Variants in HMGXB4 observed in about 807,000 individuals in gnomAD.
The protein encoded by HMGXB4 is HMG domain-containing protein 4.
Under a neutral mutation model 63.9 loss-of-function variants are expected in HMGXB4, and 27 were observed. That is an observed-to-expected ratio of 0.42 (90% CI 0.31 to 0.58). The LOEUF is 0.58. Among genes scored for constraint, HMGXB4 ranks in the 20% least tolerant of loss-of-function variants. The pLI, the probability that HMGXB4 is intolerant of heterozygous loss-of-function variation, is 0.13. For synonymous variants in HMGXB4, 264 were observed against 265.3 expected (o/e 0.99, Z 0.05); for missense variants, 624 against 700.7 (o/e 0.89, Z 1.24).
Position 35,265,252 on chromosome 22 carries a change from A to T in HMGXB4, c.864A>T (p.Glu288Asp), listed in dbSNP as rs867517114. The T allele has an allele frequency of 3.1e-6, 5 of 1,614,114 alleles. No individual in the cohort carries two copies. The Middle Eastern group carries it at 4.9e-4, about 160-fold the overall frequency. ...CTAACCTTGATCTTTCAGGGCTTGA[A>T]CCTATTCTGGTAGAATCAGACTCAT... ...HSANLDLSGL[E>D]PILVESDSSS... The change falls in exon 5 of 11, where the codon GAA (glutamate) becomes GAT (aspartate). Residue 288 changes from glutamate to aspartate, a missense_variant. By Grantham distance (45) the Glu-to-Asp change is conservative. Transcript: ENST00000216106.
intron 5 of HMGXB4, among the ~76,000 whole-genome samples, chr22:35,266,467 C>T (rs1923255989): frequency 6.6e-6 from 1 of 152,170 alleles, no homozygotes; most frequent in Admixed American, 6.6e-5. Flanking sequence ...ACAAGCAGGA[C>T]ATAGTTGTTG....
intron 1 of HMGXB4, chr22:35,258,016 A>C (rs549792345): frequency 6.6e-6 from 1 of 152,272 alleles, no homozygotes; most frequent in Admixed American, 6.5e-5. Flanking sequence ...GGCCGCGGCC[A>C]CGGGAGGGCT....
At chr22:35,268,097 T>C (rs1220988525) in intron 5 of HMGXB4, among the ~76,000 whole-genome samples, 2 of 152,112 alleles carry the variant, frequency 1.3e-5, no homozygotes, top group Non-Finnish European at 1.5e-5. Flanking sequence ...ACCATAAAGA[T>C]AAAATTTACA....
At chr22:35,257,442 C>G (rs1922480580), upstream of HMGXB4, 1 of 152,704 alleles carries the variant, frequency 6.5e-6, no homozygotes, top group African/African-American at 2.4e-5. Context: ...CCTCCGGAGC[C>G]CGAGTCTGCG....
At chr22:35,279,819 G>T (rs762955434) in intron 5 of HMGXB4, among the ~76,000 whole-genome samples, 13 of 150,748 alleles carry the variant, frequency 8.6e-5, no homozygotes, top group Non-Finnish European at 1.2e-4. Flanking sequence ...ATTTGTTTCT[G>T]GGCCCTCTGT....
chr22:35,273,035 A>G (rs1471707254), intron 5 of HMGXB4, among the ~76,000 whole-genome samples: 3 of 152,234 alleles, frequency 2.0e-5, no homozygotes, highest in Non-Finnish European at 4.4e-5. Context: ...AACCTAAGGC[A>G]GGGCCAGGTA....
the HMGXB4 span, among the ~76,000 whole-genome samples, chr22:35,245,784 T>C: frequency 6.6e-6 from 1 of 151,338 alleles, no homozygotes; most frequent in Admixed American, 6.6e-5. Flanking sequence ...CAGAGGGGGG[T>C]TCCTCATTAC....
intron 3 of HMGXB4, 80 bp from the exon 4 acceptor site, chr22:35,263,716 A>G (rs1035179502): frequency 1.2e-5 from 12 of 963,048 alleles, no homozygotes; most frequent in Non-Finnish European, 2.0e-5. Context: ...CCCAAAATCA[A>G]AAATCATCAA....
intron 9 of HMGXB4, 133 bp downstream of exon 9, chr22:35,288,540 G>A (rs5750093): frequency 1.9e-6 from 1 of 529,278 alleles, no homozygotes; most frequent in Non-Finnish European, 3.1e-6. Flanking sequence ...TCTCAGGATG[G>A]CGTAACATAG....
chr22:35,246,359 C>G, the HMGXB4 span, among the ~76,000 whole-genome samples: 1 of 152,118 alleles, frequency 6.6e-6, no homozygotes, highest in South Asian at 2.1e-4. Context: ...ACTGCAAGCT[C>G]CGCCTCCCGG....
rs373885303 is a variant in HMGXB4, at chr22:35,284,034, C to G, written c.1288C>G (p.Pro430Ala). 6.2e-7 allele frequency: 1 copy of G among 1,611,382 alleles called. No homozygotes were observed. The highest frequency in any genetic ancestry group is 8.5e-7 in the Non-Finnish European group (1 of 1,177,544). The change falls in exon 6 of 11, where the codon CCA becomes GCA. Residue 430 changes from proline to alanine, a missense_variant. By Grantham distance (27) the Pro-to-Ala change is conservative. Around this residue, in one of 2 missense-constraint regions of HMGXB4, gnomAD observed 152 missense variants for 230.1 expected, o/e 0.66. Transcript: ENST00000216106. ...EYRVTIVADH[P>A]GIDFGELSKK... ...TCGCGTGACCATTGTGGCTGACCATCCAGGTATAGGTAAGAACATTACTGA... is the reference window on the plus strand; with the variant it reads ...TCGCGTGACCATTGTGGCTGACCATGCAGGTATAGGTAAGAACATTACTGA...
chr22:35,264,936 C>A lies in HMGXB4; in HGVS notation c.548C>A (p.Thr183Asn), dbSNP rs1442481126. ...KPLYVNTETL[T>N]LREPDGLKMK... ...CTCTATGTGAACACAGAGACACTGA[C>A]CCTTCGGGAGCCTGATGGTTTAAAA... Residue 183 changes from threonine to asparagine, a missense_variant, in exon 5 of 11, where the codon ACC becomes AAC. Thr to Asn is a moderately conservative substitution (Grantham distance 65, BLOSUM62 0). Transcript: ENST00000216106. 6.2e-7 allele frequency: 1 copy of A among 1,614,034 alleles called. No homozygotes were observed. The highest frequency in any genetic ancestry group is 2.2e-5 in the East Asian group (1 of 44,894).
chr22:35,257,557 G>A lies in HMGXB4; in HGVS notation c.-69G>A, dbSNP rs1922496494. 1 of 152,726 alleles carries A rather than the reference G, an allele frequency of 6.5e-6. No individual in the cohort carries two copies. The highest frequency in any genetic ancestry group is 6.5e-5 in the Admixed American group (1 of 15,288). 9.5% of individuals were successfully genotyped at this position (152,726 alleles called of 1,614,324 possible). On this transcript the variant is annotated splice_region_variant and 5_prime_UTR_variant, in exon 1 of 11. Coordinates refer to ENST00000216106, the MANE Select transcript of HMGXB4 (RefSeq NM_001003681.3). The stretch of plus-strand genomic sequence containing the variant: ...GCGGGATCCGGGCGAGCCGAGTGAA[G>A]GTAGCGGCGAGCGGAGACCCCAGGA...
chr22:35,294,667 T>C lies in HMGXB4; in HGVS notation c.*1016T>C, dbSNP rs568224821. The C allele has an allele frequency of 6.5e-6, 1 of 152,692 alleles. No individual in the cohort carries two copies. Among genetic ancestry groups the C allele is most frequent in the East Asian group, 1.9e-4 (1 of 5,186 alleles). 9.5% of individuals were successfully genotyped at this position (152,692 alleles called of 1,614,324 possible). A position where few individuals can be genotyped will look rare whatever the true frequency, so the allele number is the denominator to read the frequency against. Reference sequence around the variant, plus strand: ...TGAATGTGTATTTTAATTATGTGTATTTAACTCTTTAAAATCTCTTAGATT... The same window carrying C: ...TGAATGTGTATTTTAATTATGTGTACTTAACTCTTTAAAATCTCTTAGATT... On this transcript the variant is annotated 3_prime_UTR_variant, in exon 11 of 11. Transcript: ENST00000216106.
At chr22:35,259,278 C>T (rs1274862756) in intron 1 of HMGXB4, among the ~76,000 whole-genome samples, 1 of 152,188 alleles carries the variant, frequency 6.6e-6, no homozygotes, top group African/African-American at 2.4e-5. Flanking sequence ...GTTGTCATAT[C>T]TTAGCACACT....
rs1279424271 is a variant in HMGXB4 at position 35,293,764 on chromosome 22, T to A, written c.*113T>A. 3.0e-6 allele frequency: 2 copies of A among 665,472 alleles called. No individual in the cohort carries two copies. The highest frequency in any genetic ancestry group is 3.7e-5 in the African/African-American group (2 of 54,458). 41.2% of individuals were successfully genotyped at this position (665,472 alleles called of 1,614,324 possible). ...TGGCTGTAGGTTTTAAATTTTTATA[T>A]CTATACATACATATATACATATATA... is the stretch of plus-strand genomic sequence containing the variant. On this transcript the variant is annotated 3_prime_UTR_variant, in exon 11 of 11. Transcript: ENST00000216106.
At chr22:35,250,734 AAGGGGC>A in the HMGXB4 span, among the ~76,000 whole-genome samples, 4 of 152,040 alleles carry the variant, frequency 2.6e-5, no homozygotes, top group South Asian at 2.1e-4. Flanking sequence ...CATAACACTG[AAGGGGC>A]AGGGGCAGGG....
chr22:35,250,960 G>A, the HMGXB4 span, among the ~76,000 whole-genome samples: 1 of 152,130 alleles, frequency 6.6e-6, no homozygotes, highest in East Asian at 1.9e-4. Flanking sequence ...GATTACCTTG[G>A]CTGGAGTTAT....
Position 35,265,044 on chromosome 22 carries a change from CTG to C in HMGXB4, c.659_660del (p.Val220GlufsTer11). The C allele has an allele frequency of 1.2e-6, 2 of 1,613,864 alleles. No homozygotes were observed. Among genetic ancestry groups the C allele is most frequent in the Non-Finnish European group, 1.7e-6 (2 of 1,179,790 alleles). On this transcript the variant is annotated frameshift_variant, in exon 5 of 11. Transcript: ENST00000216106. LOFTEE classifies it high-confidence loss of function. The stretch of plus-strand genomic sequence containing the variant: ...TTTCAATATCCCTCCCAACAAGCGA[CTG>C]TGAAAAAATCCTCAAAGAAATCAGC...
Sources: gnomAD v4.1 joint callset for allele counts (sites outside exome capture counted in the v4.1 genomes callset) on GRCh38, gnomAD v4.1.1 for gene constraint, gnomAD v4.1.1 regional missense constraint, MANE v1.5 for transcripts, NCBI Gene and HGNC (gene_info 2026-07-23, HGNC 2026-07-21) for gene names.